The following CDH13 variants were observed in gnomAD, a reference collection of about 807,000 sequenced individuals.
The protein encoded by CDH13 is cadherin-13.
In CDH13, 24 loss-of-function variants were observed where a neutral mutation model predicts 63.8. The observed-to-expected ratio is 0.38, with a 90% CI of 0.27 to 0.53. The LOEUF (loss-of-function observed/expected upper bound fraction) is 0.53, where lower values mean the gene tolerates loss of function less well. Ranked by LOEUF, CDH13 falls within the 20% of genes least tolerant of loss-of-function variation. The pLI, the probability that CDH13 is intolerant of heterozygous loss-of-function variation, is 0.85. For synonymous variants in CDH13, 503 were observed against 355.3 expected (o/e 1.42, Z -4.67); for missense variants, 1,049 against 903.1 (o/e 1.16, Z -2.07).
intron 6 of CDH13, among the ~76,000 whole-genome samples, chr16:83,373,702 C>A (rs1425348363): frequency 6.6e-6 from 1 of 152,146 alleles, no homozygotes; most frequent in Non-Finnish European, 1.5e-5. Context: ...GCTTTGAAAC[C>A]AGACTTCTTG....
chr16:83,202,673 C>G (rs2039065767), intron 4 of CDH13, among the ~76,000 whole-genome samples: 1 of 152,310 alleles, frequency 6.6e-6, no homozygotes, highest in African/African-American at 2.4e-5. Flanking sequence ...TGTTAAAACT[C>G]TCAGGGAAAG....
At chr16:83,726,395 A>ATTTT (rs948391393) in intron 10 of CDH13, 7 of 151,818 alleles carry the variant, frequency 4.6e-5, no homozygotes, top group African/African-American at 1.7e-4. Context: ...TTATTTATTT[A>ATTTT]TTTGTTCATT....
intron 3 of CDH13, among the ~76,000 whole-genome samples, chr16:83,090,644 C>T (rs2033860193): frequency 6.6e-6 from 1 of 151,908 alleles, no homozygotes; most frequent in African/African-American, 2.4e-5. Context: ...ACATTCCTAG[C>T]CCAGGCTCTG....
chr16:83,122,775 C>A (rs539797283), intron 3 of CDH13, among the ~76,000 whole-genome samples: 18 of 152,158 alleles, frequency 1.2e-4, no homozygotes, highest in African/African-American at 4.3e-4. Flanking sequence ...TACCTAGTAT[C>A]GGAAGAGTAT....
At chr16:83,777,197 A>G (rs1332049052) in intron 11 of CDH13, among the ~76,000 whole-genome samples, 1 of 152,192 alleles carries the variant, frequency 6.6e-6, no homozygotes, top group East Asian at 1.9e-4. Flanking sequence ...TTCTGAAGAT[A>G]AGTCAGATCA....
chr16:83,018,217 G>A (rs903808490), intron 2 of CDH13, among the ~76,000 whole-genome samples: 1 of 152,070 alleles, frequency 6.6e-6, no homozygotes, highest in Non-Finnish European at 1.5e-5. Context: ...TCGGATTATG[G>A]GGATTGGAGT....
At chr16:82,756,869 TTTCCACTAGTTTATATTATTTTA>T (rs2034630974) in intron 1 of CDH13, among the ~76,000 whole-genome samples, 1 of 152,180 alleles carries the variant, frequency 6.6e-6, no homozygotes, top group Admixed American at 6.5e-5. Context: ...ATTAAAGCAC[TTTCCACTAGTTTATATTATTTTA>T]TTCTCATAAG....
chr16:83,316,700 G>A (rs923304335), intron 5 of CDH13, among the ~76,000 whole-genome samples: 6 of 152,174 alleles, frequency 3.9e-5, no homozygotes, highest in Non-Finnish European at 5.9e-5. Flanking sequence ...TACCAGCTGC[G>A]AGTGCCCACA....
In CDH13 at chr16:83,343,196, A is replaced by T. The variant is rs919183652; in HGVS notation, c.637-1666A>T. On this transcript the variant is annotated intron_variant, in intron 5 of 13. Transcript: ENST00000567109. ...AAAGAAAAAAATTTAAAAATTATCT[A>T]CCCACACATACCTGGTTTCATTTTG... Among the ~76,000 whole-genome samples, 5 of 151,962 alleles carry T rather than the reference A, an allele frequency of 3.3e-5. No individual in the cohort carries two copies. The South Asian group carries it at 1.0e-3, about 32-fold the overall frequency.
Position 82,649,316 on chromosome 16 carries a change from AGGAT to A in CDH13, c.45+22193_45+22196del, listed in dbSNP as rs1360753947. Among the ~76,000 whole-genome samples, 5 of 152,228 alleles carry A rather than the reference AGGAT, an allele frequency of 3.3e-5. No individual in the cohort carries two copies. In the South Asian group the frequency reaches 8.3e-4, roughly 25 times the overall value. ...GATGGAAGGATGAATGCATAGATGG[AGGAT>A]GGATGGATGGATGATGGATGGATAC... On this transcript the variant is annotated intron_variant, in intron 1 of 13. Transcript: ENST00000567109.
intron 3 of CDH13, among the ~76,000 whole-genome samples, chr16:83,070,857 C>G (rs797005833): frequency 2.3e-4 from 8 of 34,260 alleles, no homozygotes; most frequent in African/African-American, 8.8e-4. Flanking sequence ...AATAAACAGC[C>G]CCCCCCCCCC....
chr16:83,096,353 C>G (rs983482085), intron 3 of CDH13, among the ~76,000 whole-genome samples: 3 of 152,194 alleles, frequency 2.0e-5, no homozygotes, highest in Admixed American at 6.5e-5. Context: ...AAGGCTCAGT[C>G]AAGGATCTGC....
rs140124945 is a variant in CDH13, at chr16:82,857,784, T to C, written c.46-578T>C. 1.4e-4 allele frequency among the ~76,000 whole-genome samples: 22 copies of C among 152,340 alleles called. No homozygotes were observed. In the East Asian group the frequency reaches 3.5e-3, roughly 24 times the overall value. ...AATTATTGACTATTTTACATTCTTT[T>C]CCTTATTTAGACATTGAAATCCAGT... is the stretch of plus-strand genomic sequence containing the variant. On this transcript the variant is annotated intron_variant, in intron 1 of 13. Transcript: ENST00000567109.
intron 4 of CDH13, among the ~76,000 whole-genome samples, chr16:83,160,411 G>T (rs2037396852): frequency 6.6e-6 from 1 of 152,144 alleles, no homozygotes; most frequent in Admixed American, 6.5e-5. Flanking sequence ...AATTAAGACT[G>T]TGGTTGTCAT....
chr16:83,047,334 C>T lies in CDH13; in HGVS notation c.366+15116C>T, dbSNP rs1018295907. ...TTTCTGTCCTTGCATTGTCCATTCT[C>T]GTAAACCGTGGTTAACACAGATAAT... On this transcript the variant is annotated intron_variant, in intron 3 of 13. Coordinates refer to ENST00000567109, the MANE Select transcript of CDH13 (RefSeq NM_001257.5). The surrounding 1 kb of genome is among the most constrained non-coding windows in gnomAD (Gnocchi z 4.9). Among the ~76,000 whole-genome samples, 7 of 152,166 alleles carry T rather than the reference C, an allele frequency of 4.6e-5. No individual in the cohort carries two copies. The highest frequency in any genetic ancestry group is 2.1e-4 in the South Asian group (1 of 4,832).
intron 5 of CDH13, among the ~76,000 whole-genome samples, chr16:83,254,445 A>G (rs1044510381): frequency 6.6e-6 from 1 of 152,156 alleles, no homozygotes; most frequent in African/African-American, 2.4e-5. Flanking sequence ...AAAATGGATT[A>G]TTCACTGGCC....
Position 82,672,999 on chromosome 16 carries a change from C to CTTTTTTTTTTTTTTTTTTTTT in CDH13, c.45+45882_45+45883insTTTTTTTTTTTTTTTTTTTTT, listed in dbSNP as rs562942948. On this transcript the variant is annotated intron_variant, in intron 1 of 13. Coordinates refer to ENST00000567109, the MANE Select transcript of CDH13 (RefSeq NM_001257.5). ...GTATGGCTAATTTTTATAAAGTTTT[C>CTTTTTTTTTTTTTTTTTTTTT]TTTTTTTTTTTTTTTTTTTTGTAGA... Among the ~76,000 whole-genome samples the CTTTTTTTTTTTTTTTTTTTTT allele has an allele frequency of 3.2e-4, 26 of 81,276 alleles. 4 individuals are homozygous for CTTTTTTTTTTTTTTTTTTTTT. Among genetic ancestry groups the CTTTTTTTTTTTTTTTTTTTTT allele is most frequent in the Admixed American group, 5.2e-4 (3 of 5,740 alleles). The allele number at this position is 81,276 out of a possible 152,430, so 53.3% of individuals were successfully genotyped here. A position where few individuals can be genotyped will look rare whatever the true frequency, so the allele number is the denominator to read the frequency against.
intron 2 of CDH13, among the ~76,000 whole-genome samples, chr16:82,930,513 A>G (rs954747073): frequency 2.6e-5 from 4 of 152,164 alleles, no homozygotes; most frequent in African/African-American, 9.7e-5. Context: ...TGCCAAATAT[A>G]GATACATATC....
chr16:83,674,517 C>T (rs1190191818), intron 9 of CDH13, among the ~76,000 whole-genome samples: 2 of 152,244 alleles, frequency 1.3e-5, no homozygotes, highest in Non-Finnish European at 2.9e-5. Flanking sequence ...TCTTCCTTAA[C>T]TTCAAGGAAA....
Sources: allele counts gnomAD v4.1 joint callset (sites outside exome capture counted in the v4.1 genomes callset), GRCh38; gene constraint gnomAD v4.1.1; non-coding constraint Gnocchi (gnomAD v3.1); transcripts MANE v1.5; gene names NCBI Gene and HGNC (gene_info 2026-07-23, HGNC 2026-07-21).